The following ARSL variants were observed in gnomAD, a reference collection of about 807,000 sequenced individuals.
ARSL encodes the protein arylsulfatase L, also known as arylsulfatase E (chondrodysplasia punctata 1).
A neutral mutation model predicts 31.1 loss-of-function variants in ARSL; 4 were observed. The ratio of observed to expected loss-of-function variants is 0.13; its 90% CI spans 0.06 to 0.29. The LOEUF (loss-of-function observed/expected upper bound fraction) is 0.29, where lower values mean the gene tolerates loss of function less well. ARSL is among the 10% of genes least tolerant of loss of function. The pLI, the probability that ARSL is intolerant of heterozygous loss-of-function variation, is 1.00. For synonymous variants in ARSL, 198 were observed against 209.9 expected, an observed-to-expected ratio of 0.94 and a Z score of 0.49; for missense variants, 312 against 497.8, an observed-to-expected ratio of 0.63 and a Z score of 3.55.
At chrX:2,936,100 G>A (rs963294996) in intron 10 of ARSL, among the ~76,000 whole-genome samples, 7 of 110,393 alleles carry the variant, frequency 6.3e-5, no homozygotes, top group East Asian at 2.8e-4. Flanking sequence ...TTGGGAGGCC[G>A]AGGAGGGTGG....
upstream of ARSL, among the ~76,000 whole-genome samples, chrX:2,966,008 C>T (rs143644182): frequency 1.2e-3 from 130 of 112,479 alleles, no homozygotes; most frequent in Middle Eastern, 9.2e-3. Context: ...ACGCAATGGT[C>T]CCTATTATTC....
At chrX:2,943,561 A>G (rs1482094369) in intron 7 of ARSL, among the ~76,000 whole-genome samples, 2 of 107,910 alleles carry the variant, frequency 1.9e-5, no homozygotes, top group East Asian at 5.9e-4. Context: ...GGCCAACATG[A>G]TGAAACTACA....
chrX:2,966,733 T>C (rs1343181726), upstream of ARSL, among the ~76,000 whole-genome samples: 1 of 109,596 alleles, frequency 9.1e-6, no homozygotes. Context: ...CTTTAAAATA[T>C]ATATGTACAT....
chrX:2,955,867 A>C (rs1973839740), intron 3 of ARSL, among the ~76,000 whole-genome samples: 2 of 112,056 alleles, frequency 1.8e-5, no homozygotes, highest in African/African-American at 6.5e-5. Context: ...TCTACAAAAA[A>C]ATCTACAAAA....
intron 5 of ARSL, among the ~76,000 whole-genome samples, chrX:2,951,304 G>T (rs2089456585): frequency 9.0e-6 from 1 of 110,933 alleles, no homozygotes; most frequent in South Asian, 3.8e-4. Flanking sequence ...GAAGTGGGTG[G>T]TGGGTTTTGC....
chrX:2,968,171 C>T, upstream of ARSL: 1 of 1,154,678 alleles, frequency 8.7e-7, no homozygotes, highest in Middle Eastern at 2.3e-4. Context: ...TGTGTAAGGG[C>T]GACACTGGCT....
intron 1 of ARSL, among the ~76,000 whole-genome samples, chrX:2,961,041 G>A (rs1477694971): frequency 9.0e-6 from 1 of 111,453 alleles, no homozygotes; most frequent in African/African-American, 3.3e-5. Context: ...AGAACTGGGA[G>A]TGTCAGTGTG....
chrX:2,944,868 G>C (rs1272496762), intron 7 of ARSL, among the ~76,000 whole-genome samples: 1 of 110,505 alleles, frequency 9.0e-6, no homozygotes, highest in Non-Finnish European at 1.9e-5. Context: ...CTAACACATG[G>C]TCACGAAGAG....
intron 3 of ARSL, among the ~76,000 whole-genome samples, chrX:2,956,590 T>C (rs1472365931): frequency 9.0e-6 from 1 of 110,714 alleles, no homozygotes; most frequent in African/African-American, 3.3e-5. Flanking sequence ...GCCTCCCAAG[T>C]AGCTGGGATT....
chrX:2,941,356 C>T (rs1468590224), intron 8 of ARSL, among the ~76,000 whole-genome samples: 2 of 106,636 alleles, frequency 1.9e-5, no homozygotes, highest in Admixed American at 1.0e-4. Flanking sequence ...CCAGGTTCAA[C>T]GGATTCTCCT....
At chrX:2,955,260 T>A (rs1418646208) in intron 4 of ARSL, among the ~76,000 whole-genome samples, 156 bp downstream of exon 4, 1 of 111,827 alleles carries the variant, frequency 8.9e-6, no homozygotes, top group Non-Finnish European at 1.9e-5. Context: ...GCGGGGATCT[T>A]TTGAGCCCAG....
At position 2,960,083 on chromosome X, in the gene ARSL, C is replaced by G. The variant is rs1187966079; in HGVS notation, c.23+295G>C. Among the ~76,000 whole-genome samples the G allele has an allele frequency of 7.8e-5, 8 of 102,236 alleles. No homozygotes were observed. The South Asian group carries it at 3.8e-3, about 49-fold the overall frequency. 88.8% of individuals were successfully genotyped at this position (102,236 alleles called of 115,157 possible). On this transcript the variant is annotated intron_variant, in intron 2 of 10. Coordinates refer to ENST00000381134, the MANE Select transcript of ARSL (RefSeq NM_000047.3). Reference sequence around the variant, plus strand: ...AGGAGATCGAGACCATCCTGGCTAACACGGTGAAACCCCGTCTCTACTAAA... The same window carrying G: ...AGGAGATCGAGACCATCCTGGCTAAGACGGTGAAACCCCGTCTCTACTAAA...
chrX:2,936,993 G>C, intron 9 of ARSL, 130 bp from the exon 10 acceptor site: 1 of 915,412 alleles, frequency 1.1e-6, no homozygotes, highest in Non-Finnish European at 1.5e-6. Context: ...GGAAAGTCTG[G>C]GTGTGAACGC....
intron 9 of ARSL, 135 bp from the exon 10 acceptor site, chrX:2,936,998 G>A (rs1444584000): frequency 9.3e-6 from 8 of 857,515 alleles, no homozygotes; most frequent in Non-Finnish European, 1.0e-5. Context: ...GTCTGGGTGT[G>A]AACGCAGATG....
At chrX:2,965,873 C>A (rs1341565312), upstream of ARSL, among the ~76,000 whole-genome samples, 1 of 112,496 alleles carries the variant, frequency 8.9e-6, no homozygotes, top group Non-Finnish European at 1.9e-5. Context: ...TGCACTCCAG[C>A]CTGGGCGGCA....
At chrX:2,948,768 G>C (rs1335326957) in intron 6 of ARSL, among the ~76,000 whole-genome samples, 2 of 111,182 alleles carry the variant, frequency 1.8e-5, no homozygotes, top group Non-Finnish European at 3.8e-5. Context: ...TGGGATAACA[G>C]GTGTGTACCA....
intron 9 of ARSL, among the ~76,000 whole-genome samples, chrX:2,937,255 G>A (rs1414263149): frequency 9.1e-6 from 1 of 110,468 alleles, no homozygotes; most frequent in Non-Finnish European, 1.9e-5. Flanking sequence ...TTAGCCAGGT[G>A]TGCTGGTGTG....
chrX:2,966,065 C>G (rs759198070), upstream of ARSL, among the ~76,000 whole-genome samples: 1 of 112,189 alleles, frequency 8.9e-6, no homozygotes, highest in Non-Finnish European at 1.9e-5. Context: ...GTTCCACCTG[C>G]TGTCTCTTCG....
At chrX:2,950,617 C>T (rs1934859486) in intron 5 of ARSL, among the ~76,000 whole-genome samples, 3 of 111,719 alleles carry the variant, frequency 2.7e-5, no homozygotes, top group African/African-American at 6.5e-5. Flanking sequence ...TGCACATGCC[C>T]TCTTGCCTGC....
Sources: gnomAD v4.1 joint callset for allele counts (sites outside exome capture counted in the v4.1 genomes callset) on GRCh38, gnomAD v4.1.1 for gene constraint, MANE v1.5 for transcripts, NCBI Gene and HGNC (gene_info 2026-07-23, HGNC 2026-07-21) for gene names.